Variants in CDK6 observed in about 807,000 individuals in gnomAD.
The protein encoded by CDK6 is cyclin dependent kinase 6, also known as cyclin-dependent kinase 6.
CDK6 carries 6 observed loss-of-function variants against 37.1 expected under a neutral mutation model. The observed-to-expected ratio is 0.16, with a 90% confidence interval of 0.09 to 0.32. The LOEUF is 0.32. Ranked by LOEUF, CDK6 falls within the 10% of genes least tolerant of loss-of-function variation. The pLI, the probability that CDK6 is intolerant of heterozygous loss-of-function variation, is 1.00. For synonymous variants in CDK6, 160 were observed against 161.3 expected (o/e 0.99, Z 0.06); for missense variants, 224 against 418.9 (o/e 0.53, Z 4.06).
At chr7:92,705,401 A>G (rs1347454517) in intron 4 of CDK6, among the ~76,000 whole-genome samples, 6 of 152,188 alleles carry the variant, frequency 3.9e-5, no homozygotes, top group African/African-American at 1.4e-4. Flanking sequence ...ACCTTCTCCT[A>G]CGTTTTGGGT....
intron 3 of CDK6, among the ~76,000 whole-genome samples, chr7:92,770,519 AC>A (rs1184471146): frequency 6.6e-6 from 1 of 152,094 alleles, no homozygotes; most frequent in African/African-American, 2.4e-5. Context: ...CCAACTATCA[AC>A]CTTTATTAGT....
intron 3 of CDK6, among the ~76,000 whole-genome samples, chr7:92,739,519 C>G (rs1308707027): frequency 6.6e-6 from 1 of 152,214 alleles, no homozygotes; most frequent in African/African-American, 2.4e-5. Context: ...ATTCAGAAAT[C>G]TGACAGACAT....
intron 3 of CDK6, among the ~76,000 whole-genome samples, chr7:92,742,398 C>A (rs1424897777): frequency 6.6e-6 from 1 of 152,148 alleles, no homozygotes; most frequent in Non-Finnish European, 1.5e-5. Context: ...TGTAAGCAGG[C>A]AACTTTTTAG....
At chr7:92,646,753 C>A (rs1796460925) in intron 5 of CDK6, among the ~76,000 whole-genome samples, 1 of 152,004 alleles carries the variant, frequency 6.6e-6, no homozygotes, top group Non-Finnish European at 1.5e-5. Flanking sequence ...AGAGAAGAAT[C>A]CCATGGGATT....
At position 92,652,531 on chromosome 7, in the gene CDK6, G is replaced by A. The variant is rs144092130; in HGVS notation, c.647+18895C>T. ...ACTTTTAAATCTGATGGTACACTCT[G>A]CCTGAAGCTTTTCAGGGGGGAATTT... is the stretch of plus-strand genomic sequence containing the variant. On this transcript the variant is annotated intron_variant, in intron 5 of 7. Coordinates refer to ENST00000424848, the MANE Select transcript of CDK6 (RefSeq NM_001145306.2). Among the ~76,000 whole-genome samples, 491 of 152,300 alleles carry A rather than the reference G, an allele frequency of 3.2e-3. 5 individuals are homozygous for A. Among genetic ancestry groups the A allele is most frequent in the African/African-American group, 0.011 (466 of 41,574 alleles).
chr7:92,619,048 G>C (rs1795744924), intron 6 of CDK6, among the ~76,000 whole-genome samples: 1 of 151,924 alleles, frequency 6.6e-6, no homozygotes, highest in African/African-American at 2.4e-5. Context: ...TTGTAATGAG[G>C]ATCAGTTATA....
intron 2 of CDK6, among the ~76,000 whole-genome samples, chr7:92,780,284 A>AT: frequency 1.3e-5 from 2 of 152,300 alleles, no homozygotes; most frequent in East Asian, 3.9e-4. Flanking sequence ...AAACTTTAAT[A>AT]TAACAAATGA....
intron 6 of CDK6, among the ~76,000 whole-genome samples, chr7:92,620,299 TTAAGTC>T (rs1795780825): frequency 6.6e-6 from 1 of 152,094 alleles, no homozygotes; most frequent in African/African-American, 2.4e-5. Flanking sequence ...ATATAAAACT[TTAAGTC>T]TATCACCTCC....
At chr7:92,777,212 T>C (rs914734365) in intron 2 of CDK6, among the ~76,000 whole-genome samples, 1 of 152,162 alleles carries the variant, frequency 6.6e-6, no homozygotes, top group African/African-American at 2.4e-5. Flanking sequence ...CAGATGGTTG[T>C]AGATATGTGT....
intron 3 of CDK6, among the ~76,000 whole-genome samples, chr7:92,727,040 T>C (rs1372730353): frequency 6.6e-6 from 1 of 152,172 alleles, no homozygotes; most frequent in African/African-American, 2.4e-5. Flanking sequence ...TTTCTAATTT[T>C]AGGACCAATA....
At chr7:92,737,233 C>T (rs1390523088) in intron 3 of CDK6, among the ~76,000 whole-genome samples, 2 of 152,170 alleles carry the variant, frequency 1.3e-5, no homozygotes, top group Non-Finnish European at 2.9e-5. Context: ...GAATTTTCCC[C>T]AGTTAGTATG....
intron 4 of CDK6, among the ~76,000 whole-genome samples, chr7:92,704,273 C>T (rs1797920995): frequency 6.6e-6 from 1 of 152,132 alleles, no homozygotes; most frequent in Admixed American, 6.6e-5. Context: ...ACTCTCAGCT[C>T]AGTGACTGGC....
chr7:92,740,963 C>T (rs1798910259), intron 3 of CDK6, among the ~76,000 whole-genome samples: 1 of 152,150 alleles, frequency 6.6e-6, no homozygotes, highest in Non-Finnish European at 1.5e-5. Flanking sequence ...AAATATGCTA[C>T]AACCTTGTAA....
chr7:92,606,499 G>A lies in CDK6; in HGVS notation c.*8641C>T, dbSNP rs1795431288. On this transcript the variant is annotated 3_prime_UTR_variant, in exon 8 of 8. Coordinates refer to ENST00000424848, the MANE Select transcript of CDK6 (RefSeq NM_001145306.2). ...TAGAAAGGAAGAGATACAGGGGACAGAGATGTAGAGGTGTGGGGATGTTGG... is the reference window on the plus strand; with the variant it reads ...TAGAAAGGAAGAGATACAGGGGACAAAGATGTAGAGGTGTGGGGATGTTGG... 4.3e-6 allele frequency: 1 copy of A among 233,284 alleles called. No homozygotes were observed. The highest frequency in any genetic ancestry group is 8.5e-6 in the Non-Finnish European group (1 of 118,140). 14.5% of individuals were successfully genotyped at this position (233,284 alleles called of 1,614,324 possible). A position where few individuals can be genotyped will look rare whatever the true frequency, so the allele number is the denominator to read the frequency against.
Position 92,609,477 on chromosome 7 carries a change from C to A in CDK6, c.*5663G>T, listed in dbSNP as rs529651816. The A allele has an allele frequency of 1.3e-5, 3 of 228,572 alleles. No individual in the cohort carries two copies. The East Asian group carries it at 1.9e-4, about 14-fold the overall frequency. 14.2% of individuals were successfully genotyped at this position (228,572 alleles called of 1,614,324 possible). A position where few individuals can be genotyped will look rare whatever the true frequency, so the allele number is the denominator to read the frequency against. ...TTCTTATGAATTTACATTTGTGATT[C>A]CACAAATGTTAAAATTACCTGGTCT... On this transcript the variant is annotated 3_prime_UTR_variant, in exon 8 of 8. Transcript: ENST00000424848.
At chr7:92,712,618 T>C (rs531309449) in intron 4 of CDK6, among the ~76,000 whole-genome samples, 1 of 152,262 alleles carries the variant, frequency 6.6e-6, no homozygotes, top group Non-Finnish European at 1.5e-5. Flanking sequence ...GAACAATAAA[T>C]ACAAAGAAAA....
At chr7:92,626,666 G>A (rs889265046) in intron 5 of CDK6, among the ~76,000 whole-genome samples, 1 of 152,036 alleles carries the variant, frequency 6.6e-6, no homozygotes, top group Non-Finnish European at 1.5e-5. Flanking sequence ...AAGATGACAA[G>A]GGCCTCAACT....
intron 4 of CDK6, among the ~76,000 whole-genome samples, chr7:92,699,660 C>T (rs1562939703): frequency 6.6e-6 from 1 of 152,166 alleles, no homozygotes; most frequent in South Asian, 2.1e-4. Context: ...CATACATATA[C>T]AAATGTGCCT....
In CDK6 at chr7:92,657,242, C is replaced by T. The variant is rs368940267; in HGVS notation, c.647+14184G>A. ...TGGCTGAAAGATGTGACCAGGTAGA[C>T]CTGAGACTTTATGACCAGGTAGACT... is the stretch of plus-strand genomic sequence containing the variant. On this transcript the variant is annotated intron_variant, in intron 5 of 7. Transcript: ENST00000424848. Among the ~76,000 whole-genome samples the T allele has an allele frequency of 1.2e-3, 181 of 152,206 alleles. 1 individual carries two copies. Among genetic ancestry groups the T allele is most frequent in the African/African-American group, 4.3e-3 (178 of 41,528 alleles).
Sources: gnomAD v4.1 joint callset for allele counts (sites outside exome capture counted in the v4.1 genomes callset) on GRCh38, gnomAD v4.1.1 for gene constraint, MANE v1.5 for transcripts, NCBI Gene and HGNC (gene_info 2026-07-23, HGNC 2026-07-21) for gene names.